Variants in ZFYVE16 observed in about 807,000 individuals in gnomAD.
ZFYVE16 encodes zinc finger FYVE domain-containing protein 16.
ZFYVE16 carries 89 observed loss-of-function variants against 138.1 expected under a neutral mutation model. That is an observed-to-expected ratio of 0.64 (90% CI 0.54 to 0.77). The LOEUF is 0.77. Among genes scored for constraint, ZFYVE16 ranks in the 30% least tolerant of loss-of-function variants. The pLI, the probability that ZFYVE16 is intolerant of heterozygous loss-of-function variation, is 0.00. For synonymous variants in ZFYVE16, 596 were observed against 618.3 expected (o/e 0.96, Z 0.53); for missense variants, 1,793 against 1,786.7 (o/e 1.00, Z -0.06).
At chr5:80,471,535 C>T (rs1172528505) in intron 15 of ZFYVE16, among the ~76,000 whole-genome samples, 2 of 152,294 alleles carry the variant, frequency 1.3e-5, no homozygotes, top group South Asian at 2.1e-4. Flanking sequence ...CCCCTGCCCT[C>T]ACTAAACTTA....
intron 2 of ZFYVE16, among the ~76,000 whole-genome samples, chr5:80,430,980 C>T (rs527374775): frequency 1.4e-4 from 21 of 152,232 alleles, no homozygotes; most frequent in Non-Finnish European, 1.8e-4. Flanking sequence ...CAGGACAGGA[C>T]GGATTCACAG....
chr5:80,421,148 T>G (rs1747104804), intron 1 of ZFYVE16, among the ~76,000 whole-genome samples: 2 of 152,172 alleles, frequency 1.3e-5, no homozygotes, highest in Non-Finnish European at 2.9e-5. Context: ...GGGTTGTTTG[T>G]TTTTTTCTTG....
At chr5:80,470,315 A>G (rs185295891) in intron 15 of ZFYVE16, among the ~76,000 whole-genome samples, 2,402 of 151,052 alleles carry the variant, frequency 0.016, 34 homozygotes, top group Non-Finnish European at 0.025. Context: ...GTTAGCCAGG[A>G]TGGTCTCGAT....
chr5:80,428,644 G>A (rs570040755), intron 2 of ZFYVE16, among the ~76,000 whole-genome samples: 2 of 152,240 alleles, frequency 1.3e-5, no homozygotes, highest in East Asian at 1.9e-4. Flanking sequence ...GGCTTCAGAC[G>A]ACCAAACTTC....
At chr5:80,470,520 TA>T (rs1333886637) in intron 15 of ZFYVE16, among the ~76,000 whole-genome samples, 10 of 152,106 alleles carry the variant, frequency 6.6e-5, no homozygotes, top group African/African-American at 2.2e-4. Context: ...TAATTTCTAT[TA>T]TTTTTTTTGA....
chr5:80,471,818 A>G (rs1330844854), intron 15 of ZFYVE16, among the ~76,000 whole-genome samples: 1 of 152,182 alleles, frequency 6.6e-6, no homozygotes, highest in East Asian at 1.9e-4. Flanking sequence ...TCACCTTGAC[A>G]TTGTGTAGAC....
intron 1 of ZFYVE16, among the ~76,000 whole-genome samples, chr5:80,418,291 C>CCCCTCCCCTG (rs1208060658): frequency 1.5e-5 from 2 of 130,310 alleles, no homozygotes; most frequent in African/African-American, 5.8e-5. Flanking sequence ...CCCTTCCCCT[C>CCCCTCCCCTG]CCCTCCCCTG....
At chr5:80,467,381 A>G (rs1753852248) in intron 15 of ZFYVE16, among the ~76,000 whole-genome samples, 1 of 152,232 alleles carries the variant, frequency 6.6e-6, no homozygotes, top group Non-Finnish European at 1.5e-5. Context: ...GCAGGAAGTG[A>G]TAGCCAAGAT....
At chr5:80,419,356 C>T (rs904302713) in intron 1 of ZFYVE16, among the ~76,000 whole-genome samples, 9 of 152,102 alleles carry the variant, frequency 5.9e-5, no homozygotes, top group African/African-American at 1.7e-4. Context: ...GGATTATAGG[C>T]GTGAGCCAAC....
intron 1 of ZFYVE16, among the ~76,000 whole-genome samples, chr5:80,423,837 C>T (rs932209895): frequency 3.0e-4 from 46 of 152,056 alleles, no homozygotes; most frequent in Non-Finnish European, 3.4e-4. Flanking sequence ...TGCGCCTGGC[C>T]GATTTCTGCT....
chr5:80,446,485 T>G, intron 7 of ZFYVE16, among the ~76,000 whole-genome samples: 1 of 152,190 alleles, frequency 6.6e-6, no homozygotes, highest in East Asian at 1.9e-4. Context: ...GCCAATTTCT[T>G]TAATGTCTGG....
At chr5:80,415,903 T>G (rs1420633348) in intron 1 of ZFYVE16, among the ~76,000 whole-genome samples, 2 of 152,050 alleles carry the variant, frequency 1.3e-5, no homozygotes, top group Non-Finnish European at 2.9e-5. Flanking sequence ...CTTGACCTTG[T>G]GATCTGCCCG....
rs386404254 is a variant in ZFYVE16 at position 80,427,971 on chromosome 5, C to CAAAAAAAA, written c.-40+444_-40+451dup. Among the ~76,000 whole-genome samples the CAAAAAAAA allele has an allele frequency of 2.7e-4, 13 of 48,098 alleles. 3 individuals carry two copies. Among genetic ancestry groups the CAAAAAAAA allele is most frequent in the East Asian group, 7.7e-4 (1 of 1,304 alleles). 31.6% of individuals were successfully genotyped at this position (48,098 alleles called of 152,430 possible). ...TGCGTGACAGAGCGAGACTCCATCT[C>CAAAAAAAA]AAAAAAAAAAAAAAAAAAAAAAAAA... On this transcript the variant is annotated intron_variant, in intron 2 of 18. Coordinates refer to ENST00000505560, the MANE Select transcript of ZFYVE16 (RefSeq NM_001284236.3).
intron 6 of ZFYVE16, among the ~76,000 whole-genome samples, chr5:80,444,887 A>G (rs1751126178): frequency 6.6e-6 from 1 of 152,242 alleles, no homozygotes; most frequent in African/African-American, 2.4e-5. Flanking sequence ...AACAGCCTCA[A>G]TAATACAGGC....
intron 6 of ZFYVE16, among the ~76,000 whole-genome samples, chr5:80,443,545 T>C (rs1404890373): frequency 6.6e-6 from 1 of 152,112 alleles, no homozygotes; most frequent in Admixed American, 6.5e-5. Context: ...TAGAGCTCAG[T>C]ACAGGAGCAC....
intron 16 of ZFYVE16, among the ~76,000 whole-genome samples, chr5:80,473,534 A>G (rs1162276076): frequency 6.6e-6 from 1 of 152,218 alleles, no homozygotes; most frequent in African/African-American, 2.4e-5. Context: ...TGAATTTGGC[A>G]TATGAAAAAG....
intron 15 of ZFYVE16, among the ~76,000 whole-genome samples, chr5:80,468,797 A>C (rs1236012391): frequency 6.6e-6 from 1 of 152,048 alleles, no homozygotes; most frequent in Non-Finnish European, 1.5e-5. Flanking sequence ...ATATACTCTT[A>C]TTTATAATAA....
chr5:80,477,314 C>T lies in ZFYVE16; in HGVS notation c.4557C>T (p.Thr1519=), dbSNP rs565386882. Residue 1519 remains threonine (T), a synonymous_variant, in exon 19 of 19, where the codon ACC becomes ACT. Transcript: ENST00000505560. Reference sequence around the variant, plus strand: ...TGATACCTGTGATCCATGGTGGGACCTCCAACTCTAGTTTACCATTAGAAA... The same window carrying T: ...TGATACCTGTGATCCATGGTGGGACTTCCAACTCTAGTTTACCATTAGAAA... The part of the protein sequence containing the change: ...SALIPVIHGG[T]SNSSLPLEIE... 50 of 1,609,520 alleles carry T rather than the reference C, an allele frequency of 3.1e-5. No homozygotes were observed. Among genetic ancestry groups the T allele is most frequent in the African/African-American group, 2.1e-4 (16 of 74,668 alleles).
At position 80,449,725 on chromosome 5, in the gene ZFYVE16, T is replaced by G. The variant is rs1168107602; in HGVS notation, c.3226+12T>G. 1.3e-6 allele frequency: 2 copies of G among 1,577,378 alleles called. No individual in the cohort carries two copies. Among genetic ancestry groups the G allele is most frequent in the African/African-American group, 2.7e-5 (2 of 72,846 alleles). ...CAAATTCATATTTTGTAAGTAATAA[T>G]TTATCCTTATTTGCTTAATTGGTAA... On this transcript the variant is annotated intron_variant, in intron 9 of 18. Transcript: ENST00000505560.
Sources: allele counts gnomAD v4.1 joint callset (sites outside exome capture counted in the v4.1 genomes callset), GRCh38; gene constraint gnomAD v4.1.1; transcripts MANE v1.5; gene names NCBI Gene and HGNC (gene_info 2026-07-23, HGNC 2026-07-21).